Variants in ZNF92 observed in about 807,000 individuals in gnomAD.
The protein encoded by ZNF92 is epididymis luminal protein 203.
ZNF92 carries 11 observed loss-of-function variants against 12.4 expected under a neutral mutation model. The observed-to-expected ratio is 0.89, with a 90% confidence interval of 0.56 to 1.47. ZNF92 has a LOEUF of 1.47. Ranked by LOEUF, ZNF92 falls within the 40% of genes most tolerant of loss-of-function variation. ZNF92 has a pLI of 0.00. For missense variants in ZNF92, 622 were observed against 681.0 expected, an observed-to-expected ratio of 0.91 and a Z score of 0.96; for synonymous variants, 206 against 228.6, an observed-to-expected ratio of 0.90 and a Z score of 0.89.
At position 65,399,298 on chromosome 7, in the gene ZNF92, A is replaced by C; in HGVS notation, c.1184A>C (p.Lys395Thr). 6.2e-7 allele frequency: 1 copy of C among 1,613,056 alleles called. No homozygotes were observed. The highest frequency in any genetic ancestry group is 8.5e-7 in the Non-Finnish European group (1 of 1,179,508). ...TKHKRIHTGE[K>T]PYKCEECGKA... ...CATAAAAGAATTCATACGGGAGAAA[A>C]ACCCTACAAATGTGAAGAATGTGGC... Residue 395 changes from lysine to threonine, a missense_variant, in exon 4 of 4, where the codon AAA becomes ACA. Transcript: ENST00000328747.
At chr7:65,381,700 T>A (rs572370593) in intron 1 of ZNF92, among the ~76,000 whole-genome samples, 1 of 152,286 alleles carries the variant, frequency 6.6e-6, no homozygotes, top group African/African-American at 2.4e-5. Flanking sequence ...TTATCTTGTG[T>A]TTATTTTTGG....
At chr7:65,385,709 C>T (rs1297379394) in intron 1 of ZNF92, among the ~76,000 whole-genome samples, 1 of 152,050 alleles carries the variant, frequency 6.6e-6, no homozygotes, top group Non-Finnish European at 1.5e-5. Flanking sequence ...AGGTCTTGGA[C>T]CTTCTGCCTG....
intron 3 of ZNF92, among the ~76,000 whole-genome samples, chr7:65,389,554 G>T (rs1354821614): frequency 6.6e-6 from 1 of 151,712 alleles, no homozygotes; most frequent in African/African-American, 2.4e-5. Context: ...GTCTCGCTCT[G>T]TCGCCAGGCT....
At chr7:65,377,576 C>A (rs1584272848) in intron 1 of ZNF92, among the ~76,000 whole-genome samples, 1 of 152,072 alleles carries the variant, frequency 6.6e-6, no homozygotes, top group African/African-American at 2.4e-5. Flanking sequence ...TGGAGTCTTG[C>A]TTTGTCGCCA....
intron 1 of ZNF92, among the ~76,000 whole-genome samples, chr7:65,375,355 G>A (rs1454020556): frequency 6.6e-6 from 1 of 152,012 alleles, no homozygotes; most frequent in South Asian, 2.1e-4. Context: ...ATTTTCTCTC[G>A]TAGAATAACC....
chr7:65,382,508 C>A (rs531420755), intron 1 of ZNF92, among the ~76,000 whole-genome samples: 1 of 152,196 alleles, frequency 6.6e-6, no homozygotes, highest in African/African-American at 2.4e-5. Context: ...AGAATCGTGC[C>A]TCTGCCTATT....
intron 1 of ZNF92, among the ~76,000 whole-genome samples, chr7:65,383,014 C>T (rs922345480): frequency 6.6e-6 from 1 of 152,044 alleles, no homozygotes; most frequent in African/African-American, 2.4e-5. Flanking sequence ...TAACCCACAC[C>T]CTATACAGCT....
intron 1 of ZNF92, among the ~76,000 whole-genome samples, chr7:65,387,369 A>G (rs778115277): frequency 2.0e-5 from 3 of 152,048 alleles, no homozygotes; most frequent in Non-Finnish European, 4.4e-5. Context: ...GTCTTTGTTT[A>G]TGGGTCAGAA....
At chr7:65,386,450 A>G (rs1467225853) in intron 1 of ZNF92, among the ~76,000 whole-genome samples, 1 of 152,110 alleles carries the variant, frequency 6.6e-6, no homozygotes, top group Non-Finnish European at 1.5e-5. Context: ...GGATGAATAT[A>G]CTCAAGATTC....
At chr7:65,378,280 C>T (rs758822348) in intron 1 of ZNF92, among the ~76,000 whole-genome samples, 4 of 129,262 alleles carry the variant, frequency 3.1e-5, no homozygotes, top group Admixed American at 8.6e-5. Context: ...GGCAACAGAG[C>T]CAGACTCTGT....
chr7:65,391,532 TA>T (rs1183049874), intron 3 of ZNF92, among the ~76,000 whole-genome samples: 1 of 152,110 alleles, frequency 6.6e-6, no homozygotes, highest in African/African-American at 2.4e-5. Flanking sequence ...AAAGGAATAG[TA>T]TTTTCACCCA....
intron 1 of ZNF92, 123 bp downstream of exon 1, chr7:65,374,123 C>T (rs1184961335): frequency 1.5e-6 from 2 of 1,372,834 alleles, no homozygotes; most frequent in South Asian, 2.4e-5. Flanking sequence ...CCCGAGTTCT[C>T]CTTGGCGCAG....
At chr7:65,393,991 A>G (rs1793788660) in intron 3 of ZNF92, among the ~76,000 whole-genome samples, 1 of 152,058 alleles carries the variant, frequency 6.6e-6, no homozygotes, top group African/African-American at 2.4e-5. Context: ...AGCTCCTATC[A>G]CATGTGATTT....
chr7:65,399,822 G>C lies in ZNF92; in HGVS notation c.1708G>C (p.Gly570Arg). 1 of 1,606,210 alleles carries C rather than the reference G, an allele frequency of 6.2e-7. No homozygotes were observed. Among genetic ancestry groups the C allele is most frequent in the Non-Finnish European group, 8.5e-7 (1 of 1,176,824 alleles). Residue 570 changes from glycine (G) to arginine (R), a missense_variant, in exon 4 of 4, where the codon GGC (glycine) becomes CGC (arginine). Transcript: ENST00000328747. ...AGAGAAACCCTGCAAACATGAATGT[G>C]GCAGAGCCTTTAACAAATCCTCAAA... ...TGEKPCKHEC[G>R]RAFNKSSNYT...
chr7:65,397,675 A>T (rs572082589), intron 3 of ZNF92, among the ~76,000 whole-genome samples: 3 of 152,082 alleles, frequency 2.0e-5, no homozygotes, highest in Non-Finnish European at 4.4e-5. Context: ...TTGGCTAGAG[A>T]TTCCGGGAGT....
At chr7:65,385,483 G>A (rs1301907581) in intron 1 of ZNF92, among the ~76,000 whole-genome samples, 3 of 151,954 alleles carry the variant, frequency 2.0e-5, no homozygotes, top group African/African-American at 7.3e-5. Context: ...TTCTATCTTC[G>A]CACTAAAGGG....
At position 65,399,754 on chromosome 7, in the gene ZNF92, A is replaced by G. The variant is rs1793960699; in HGVS notation, c.1640A>G (p.Asn547Ser). 1 of 1,613,528 alleles carries G rather than the reference A, an allele frequency of 6.2e-7. No individual in the cohort carries two copies. The highest frequency in any genetic ancestry group is 1.7e-5 in the Admixed American group (1 of 59,962). ...YKYEECDKAF[N>S]KFSTLITHQI... ...TATGAAGAATGTGACAAAGCCTTTA[A>G]CAAGTTCTCAACCCTTATTACACAT... Residue 547 changes from asparagine (N) to serine (S), a missense_variant, in exon 4 of 4, where the codon AAC becomes AGC. By Grantham distance (46) the Asn-to-Ser change is conservative. Coordinates refer to ENST00000328747, the MANE Select transcript of ZNF92 (RefSeq NM_152626.4).
At chr7:65,380,609 AT>A (rs1177065106) in intron 1 of ZNF92, among the ~76,000 whole-genome samples, 8 of 152,200 alleles carry the variant, frequency 5.3e-5, no homozygotes, top group Admixed American at 1.3e-4. Context: ...CATTGAGGGT[AT>A]TTAGGTTAAT....
rs1013668918 is a variant in ZNF92 at position 65,401,008 on chromosome 7, A to G, written c.*1133A>G. ...TAACATTCTTTTGCAGTATAGTGAG[A>G]AAAAAACATTTTAAAATTAATTATC... On this transcript the variant is annotated 3_prime_UTR_variant, in exon 4 of 4. Transcript: ENST00000328747. 1.3e-5 allele frequency: 2 copies of G among 151,598 alleles called. No homozygotes were observed. The highest frequency in any genetic ancestry group is 1.5e-5 in the Non-Finnish European group (1 of 67,908). The allele number at this position is 151,598 out of a possible 1,614,324, so 9.4% of individuals were successfully genotyped here. A position where few individuals can be genotyped will look rare whatever the true frequency, so the allele number is the denominator to read the frequency against.
Sources: gnomAD v4.1 joint callset for allele counts (sites outside exome capture counted in the v4.1 genomes callset) on GRCh38, gnomAD v4.1.1 for gene constraint, MANE v1.5 for transcripts, NCBI Gene and HGNC (gene_info 2026-07-23, HGNC 2026-07-21) for gene names.